The following DENND4A variants were observed in gnomAD, a reference collection of about 807,000 sequenced individuals.
DENND4A encodes C-myc promoter-binding protein.
A neutral mutation model predicts 199.3 loss-of-function variants in DENND4A; 70 were observed. The observed-to-expected ratio is 0.35, with a 90% CI of 0.29 to 0.43. The LOEUF (loss-of-function observed/expected upper bound fraction) is 0.43, where lower values mean the gene tolerates loss of function less well. Among genes scored for constraint, DENND4A ranks in the 20% least tolerant of loss-of-function variants. The pLI is 1.00. For synonymous variants in DENND4A, 686 were observed against 766.9 expected (o/e 0.89, Z 1.74); for missense variants, 1,723 against 2,255.8 (o/e 0.76, Z 4.78).
In DENND4A at chr15:65,752,560, C is replaced by T. The variant is rs371225656; in HGVS notation, c.380G>A (p.Arg127His). The change falls in exon 4 of 33, where the codon CGC becomes CAC. Residue 127 changes from arginine to histidine, a missense_variant. By Grantham distance (29) the Arg-to-His change is conservative. This residue lies in a region of DENND4A where 725 missense variants were observed against 952.9 expected (regional missense o/e 0.76). Coordinates refer to ENST00000443035, the MANE Select transcript of DENND4A (RefSeq NM_001320835.1). ...GGTACTCCCACTAATATTTGCGGGG[C>T]GCCCATAGGGAGTACTCTGAATAAT... The part of the protein sequence containing the change: ...CEIIQSTPYG[R>H]PANISGSTSS... 106 of 1,610,996 alleles carry T rather than the reference C, an allele frequency of 6.6e-5. No homozygotes were observed. The highest frequency in any genetic ancestry group is 8.1e-5 in the Non-Finnish European group (95 of 1,178,268).
intron 15 of DENND4A, among the ~76,000 whole-genome samples, chr15:65,704,606 T>A (rs1051105833): frequency 6.6e-6 from 1 of 152,174 alleles, no homozygotes; most frequent in African/African-American, 2.4e-5. Flanking sequence ...TGTGGTTTTT[T>A]TGGAGATAGA....
Position 65,661,928 on chromosome 15 carries a change from TCTTGA to T in DENND4A, c.5642_5646del (p.Val1881GlufsTer6), listed in dbSNP as rs758461959. On this transcript the variant is annotated frameshift_variant, in exon 33 of 33. Coordinates refer to ENST00000443035, the MANE Select transcript of DENND4A (RefSeq NM_001320835.1). LOFTEE classifies it high-confidence loss of function. ...GGTGGTCTATCACAGTTGTGTGTAC[TCTTGA>T]CTTGACTAGGTGTGAGACGATCGTA... is the stretch of plus-strand genomic sequence containing the variant. 13 of 1,613,376 alleles carry T rather than the reference TCTTGA, an allele frequency of 8.1e-6. No homozygotes were observed. The highest frequency in any genetic ancestry group is 1.7e-5 in the Admixed American group (1 of 59,968).
intron 1 of DENND4A, among the ~76,000 whole-genome samples, chr15:65,764,298 G>A (rs1355331592): frequency 6.6e-6 from 1 of 152,108 alleles, no homozygotes; most frequent in African/African-American, 2.4e-5. Context: ...AGGAGTTCAA[G>A]ACCAGCCTGG....
intron 14 of DENND4A, among the ~76,000 whole-genome samples, chr15:65,711,256 C>G (rs1479366965): frequency 6.6e-6 from 1 of 152,194 alleles, no homozygotes. Context: ...AAACCCAGCA[C>G]TTCGGAAGAC....
intron 14 of DENND4A, among the ~76,000 whole-genome samples, chr15:65,713,831 G>A (rs910321800): frequency 6.6e-6 from 1 of 152,148 alleles, no homozygotes; most frequent in Non-Finnish European, 1.5e-5. Flanking sequence ...ATTTCTCTGA[G>A]TCCTGATTCT....
At position 65,660,047 on chromosome 15, in the gene DENND4A, G is replaced by C; in HGVS notation, c.*1804C>G. The C allele has an allele frequency of 2.2e-6, 1 of 446,972 alleles. No individual in the cohort carries two copies. The highest frequency in any genetic ancestry group is 4.0e-6 in the Non-Finnish European group (1 of 251,132). 27.7% of individuals were successfully genotyped at this position (446,972 alleles called of 1,614,324 possible). A position where few individuals can be genotyped will look rare whatever the true frequency, so the allele number is the denominator to read the frequency against. On this transcript the variant is annotated 3_prime_UTR_variant, in exon 33 of 33. Transcript: ENST00000443035. ...GGGATGTTTATCACCAGTGCCAAAA[G>C]CCTCCCCCCTCTGAAATGTTTCTCT...
Position 65,752,491 on chromosome 15 carries a change from T to A in DENND4A, c.449A>T (p.Asn150Ile), listed in dbSNP as rs2076593878. 3 of 1,613,572 alleles carry A rather than the reference T, an allele frequency of 1.9e-6. No homozygotes were observed. Among genetic ancestry groups the A allele is most frequent in the Non-Finnish European group, 1.7e-6 (2 of 1,179,808 alleles). ...IYITYRRASENMTQNTLAVTD... is the reference protein window; with the variant it reads ...IYITYRRASEIMTQNTLAVTD... ...GACAGCCAACGTATTCTGAGTCATG[T>A]TTTCAGAGGCTCTTCGGTAAGTGAT... Residue 150 changes from asparagine (N) to isoleucine (I), a missense_variant, in exon 4 of 33, where the codon AAC (asparagine) becomes ATC (isoleucine). By Grantham distance (149) the Asn-to-Ile change is moderately radical (BLOSUM62 -3). Around this residue, in one of 6 missense-constraint regions of DENND4A, gnomAD observed 725 missense variants for 952.9 expected, o/e 0.76. Coordinates refer to ENST00000443035, the MANE Select transcript of DENND4A (RefSeq NM_001320835.1).
intron 7 of DENND4A, among the ~76,000 whole-genome samples, chr15:65,733,166 T>C (rs1006635210): frequency 2.0e-5 from 3 of 152,222 alleles, no homozygotes; most frequent in Non-Finnish European, 4.4e-5. Context: ...TTTTAGTCAA[T>C]TGCTTGTCTT....
rs761362117 is a variant in DENND4A at position 65,702,294 on chromosome 15, ATAAT to A, written c.2430+7_2430+10del. ...AAAAAAATAAAATAACAACAATAAA[ATAAT>A]TGTTACCTCATCAGGTGGATCCATC... On this transcript the variant is annotated splice_region_variant and intron_variant, in intron 17 of 32. Transcript: ENST00000443035. The A allele has an allele frequency of 9.1e-6, 14 of 1,543,516 alleles. No homozygotes were observed. Among genetic ancestry groups the A allele is most frequent in the Non-Finnish European group, 1.2e-5 (14 of 1,139,804 alleles).
intron 29 of DENND4A, 45 bp from the exon 30 acceptor site, chr15:65,665,507 T>A (rs1261211365): frequency 7.1e-7 from 1 of 1,409,598 alleles, no homozygotes; most frequent in African/African-American, 1.4e-5. Flanking sequence ...TACATGATAA[T>A]TTTTCATAAG....
At chr15:65,753,428 A>G (rs1054925337) in intron 3 of DENND4A, among the ~76,000 whole-genome samples, 1 of 152,066 alleles carries the variant, frequency 6.6e-6, no homozygotes, top group Non-Finnish European at 1.5e-5. Context: ...TTGTGATCTC[A>G]GCTCACTGCA....
intron 1 of DENND4A, among the ~76,000 whole-genome samples, chr15:65,773,944 A>G (rs2077209982): frequency 6.6e-6 from 1 of 152,234 alleles, no homozygotes; most frequent in South Asian, 2.1e-4. Context: ...AATTGAAAAG[A>G]GAAGTAAAGG....
intron 1 of DENND4A, among the ~76,000 whole-genome samples, chr15:65,764,972 CAA>C (rs35902836): frequency 1.0e-4 from 10 of 95,858 alleles, no homozygotes; most frequent in Non-Finnish European, 9.3e-5. Context: ...ACCCTGTCTC[CAA>C]AAAAAAAAAA....
At chr15:65,701,302 C>T in intron 18 of DENND4A, 110 bp from the exon 19 acceptor site, 3 of 944,442 alleles carry the variant, frequency 3.2e-6, no homozygotes, top group Non-Finnish European at 4.4e-6. Context: ...AGTGGTGGCT[C>T]ATGCCTGTAA....
intron 11 of DENND4A, chr15:65,727,886 A>G: frequency 2.9e-6 from 1 of 345,550 alleles, no homozygotes; most frequent in Non-Finnish European, 5.6e-6. Context: ...CAGTGCAAAG[A>G]AATGAAAACA....
chr15:65,708,375 T>C (rs2142277388), intron 14 of DENND4A, among the ~76,000 whole-genome samples: 1 of 152,282 alleles, frequency 6.6e-6, no homozygotes, highest in Non-Finnish European at 1.5e-5. Flanking sequence ...TATTGGTGCC[T>C]ACTTTCCATT....
intron 1 of DENND4A, among the ~76,000 whole-genome samples, chr15:65,764,684 T>A (rs2076935497): frequency 2.7e-5 from 4 of 149,712 alleles, no homozygotes; most frequent in Non-Finnish European, 4.5e-5. Context: ...TAAAAAAAAA[T>A]AACAAGTGGC....
intron 21 of DENND4A, chr15:65,696,750 T>G: frequency 3.6e-6 from 1 of 280,054 alleles, no homozygotes; most frequent in Non-Finnish European, 6.8e-6. Flanking sequence ...TCACTGATTG[T>G]AAAGGAGTGC....
rs2076156410 is a variant in DENND4A at position 65,737,822 on chromosome 15, T to C, written c.925A>G (p.Thr309Ala). Residue 309 changes from threonine (T) to alanine (A), a missense_variant, in exon 7 of 33, where the codon ACT (threonine) becomes GCT (alanine). This residue lies in a region of DENND4A where 725 missense variants were observed against 952.9 expected (regional missense o/e 0.76). Coordinates refer to ENST00000443035, the MANE Select transcript of DENND4A (RefSeq NM_001320835.1). ...GAAAGAAGACAGATGCATTTGTTAG[T>C]ATGAATTGTTTTGGAACTATCAGAC... ...GKSDSSKTIH[T>A]NKCICLLSHW... 6.2e-7 allele frequency: 1 copy of C among 1,601,822 alleles called. No homozygotes were observed. The highest frequency in any genetic ancestry group is 8.5e-7 in the Non-Finnish European group (1 of 1,173,616).
Sources: gnomAD v4.1 joint callset for allele counts (sites outside exome capture counted in the v4.1 genomes callset) on GRCh38, gnomAD v4.1.1 for gene constraint, gnomAD v4.1.1 regional missense constraint, MANE v1.5 for transcripts, NCBI Gene and HGNC (gene_info 2026-07-23, HGNC 2026-07-21) for gene names.